Variants in FAM135B observed in about 807,000 individuals in gnomAD.
FAM135B encodes the protein protein FAM135B.
FAM135B carries 43 observed loss-of-function variants against 127.7 expected under a neutral mutation model. The ratio of observed to expected loss-of-function variants is 0.34; its 90% CI spans 0.26 to 0.43. The LOEUF (loss-of-function observed/expected upper bound fraction) is 0.43, where lower values mean the gene tolerates loss of function less well. Ranked by LOEUF, FAM135B falls within the 20% of genes least tolerant of loss-of-function variation. The pLI, the probability that FAM135B is intolerant of heterozygous loss-of-function variation, is 1.00. For synonymous variants in FAM135B, 670 were observed against 665.1 expected (o/e 1.01, Z -0.11); for missense variants, 1,558 against 1,725.6 (o/e 0.90, Z 1.72).
intron 7 of FAM135B, among the ~76,000 whole-genome samples, chr8:138,219,843 CAG>C (rs1480293171): frequency 2.0e-5 from 3 of 152,122 alleles, no homozygotes; most frequent in Non-Finnish European, 4.4e-5. Context: ...CTGGTAGAAA[CAG>C]AAACAGATGC....
rs1000851176 is a variant in FAM135B at position 138,132,330 on chromosome 8, T to G, written c.*263A>C. ...ACTCCCAAGTATTCTGTTTATTCTCTCATATTTTTCCTAGAAAACATCTTG... is the reference window on the plus strand; with the variant it reads ...ACTCCCAAGTATTCTGTTTATTCTCGCATATTTTTCCTAGAAAACATCTTG... On this transcript the variant is annotated 3_prime_UTR_variant, in exon 20 of 20. Transcript: ENST00000395297. The surrounding 1 kb of genome is among the most constrained non-coding windows in gnomAD (Gnocchi z 4.5). 1.2e-5 allele frequency: 5 copies of G among 429,862 alleles called. No homozygotes were observed. Among genetic ancestry groups the G allele is most frequent in the African/African-American group, 1.0e-4 (5 of 50,204 alleles). 26.6% of individuals were successfully genotyped at this position (429,862 alleles called of 1,614,324 possible). A position where few individuals can be genotyped will look rare whatever the true frequency, so the allele number is the denominator to read the frequency against.
At chr8:138,267,400 G>T (rs1823019660) in intron 3 of FAM135B, among the ~76,000 whole-genome samples, 1 of 152,154 alleles carries the variant, frequency 6.6e-6, no homozygotes, top group African/African-American at 2.4e-5. Context: ...CTGAGATGGA[G>T]CATTGCTATA....
intron 3 of FAM135B, among the ~76,000 whole-genome samples, chr8:138,268,373 G>T (rs540230458): frequency 6.6e-6 from 1 of 152,130 alleles, no homozygotes; most frequent in African/African-American, 2.4e-5. Flanking sequence ...ACAGACCACA[G>T]GGCTTAATGG....
At chr8:138,428,339 A>G (rs931487292) in intron 1 of FAM135B, among the ~76,000 whole-genome samples, 5 of 152,136 alleles carry the variant, frequency 3.3e-5, no homozygotes, top group Non-Finnish European at 2.9e-5. Context: ...CGCCCAAACT[A>G]TCTTAGCTAG....
At chr8:138,256,611 A>G (rs1822106801) in intron 5 of FAM135B, 78 bp downstream of exon 5, 2 of 1,193,234 alleles carry the variant, frequency 1.7e-6, no homozygotes, top group Admixed American at 3.6e-5. Flanking sequence ...GTTCAAGGCT[A>G]TGAGGCTATC....
At chr8:138,339,043 A>T (rs1339766717) in intron 2 of FAM135B, among the ~76,000 whole-genome samples, 1 of 147,106 alleles carries the variant, frequency 6.8e-6, no homozygotes, top group African/African-American at 2.5e-5. Flanking sequence ...TCTCACTCAT[A>T]GGTAGGAATT....
chr8:138,211,057 G>T (rs1818102526), intron 7 of FAM135B, among the ~76,000 whole-genome samples: 1 of 152,142 alleles, frequency 6.6e-6, no homozygotes, highest in African/African-American at 2.4e-5. Context: ...CACCAATTTT[G>T]CCATTCTATA....
In FAM135B at chr8:138,251,018, G is replaced by T; in HGVS notation, c.369-4C>A. On this transcript the variant is annotated splice_region_variant and splice_polypyrimidine_tract_variant and intron_variant, in intron 5 of 19. Transcript: ENST00000395297. ...TGCCCCAGCCACATCCCTCAACCTA[G>T]AAGGCAAGCATGTGAGCTCACGTGA... 6.2e-7 allele frequency: 1 copy of T among 1,613,800 alleles called. No individual in the cohort carries two copies. Among genetic ancestry groups the T allele is most frequent in the Non-Finnish European group, 8.5e-7 (1 of 1,179,958 alleles).
Position 138,131,108 on chromosome 8 carries a change from C to T in FAM135B, c.*1485G>A, listed in dbSNP as rs928082742. On this transcript the variant is annotated 3_prime_UTR_variant, in exon 20 of 20. Transcript: ENST00000395297. ...TGTTAACATAAGAGGATCTAAAATT[C>T]TCAAATGAGCTTAGATTTACTTGGT... is the stretch of plus-strand genomic sequence containing the variant. The T allele has an allele frequency of 6.6e-6, 1 of 152,150 alleles. No individual in the cohort carries two copies. Among genetic ancestry groups the T allele is most frequent in the Admixed American group, 6.5e-5 (1 of 15,280 alleles). The allele number at this position is 152,150 out of a possible 1,614,324, so 9.4% of individuals were successfully genotyped here. A position where few individuals can be genotyped will look rare whatever the true frequency, so the allele number is the denominator to read the frequency against.
At chr8:138,225,536 GGT>G (rs140500904) in intron 7 of FAM135B, among the ~76,000 whole-genome samples, 22 of 150,144 alleles carry the variant, frequency 1.5e-4, no homozygotes, top group Non-Finnish European at 1.0e-4. Context: ...GTGCTGTGTA[GGT>G]GTGTGTGTGT....
chr8:138,232,880 C>T (rs1046911664), intron 7 of FAM135B, among the ~76,000 whole-genome samples: 1 of 152,158 alleles, frequency 6.6e-6, no homozygotes, highest in Non-Finnish European at 1.5e-5. Flanking sequence ...TGTTGTACAG[C>T]AGATATCTAG....
chr8:138,185,698 G>C (rs1304496717), intron 9 of FAM135B, among the ~76,000 whole-genome samples: 2 of 152,114 alleles, frequency 1.3e-5, no homozygotes, highest in Non-Finnish European at 2.9e-5. Context: ...AAGTTTACTG[G>C]GGGGCAACCA....
At chr8:138,218,029 C>A (rs1347191543) in intron 7 of FAM135B, among the ~76,000 whole-genome samples, 1 of 152,160 alleles carries the variant, frequency 6.6e-6, no homozygotes, top group African/African-American at 2.4e-5. Flanking sequence ...ATTTAACTCC[C>A]ACCTCTTCAC....
rs374163498 is a variant in FAM135B at position 138,148,632 on chromosome 8, C to G, written c.3336G>C (p.Leu1112=). 1 of 1,610,426 alleles carries G rather than the reference C, an allele frequency of 6.2e-7. No individual in the cohort carries two copies. The highest frequency in any genetic ancestry group is 1.3e-5 in the African/African-American group (1 of 74,778). The change falls in exon 14 of 20, where the codon CTG becomes CTC. Residue 1112 remains leucine (L), a synonymous_variant. Coordinates refer to ENST00000395297, the MANE Select transcript of FAM135B (RefSeq NM_015912.4). ...FKKELKIEGF[L]YSDLTVLASD... Reference sequence around the variant, plus strand: ...AAGCTAGTACAGTTAAGTCACTGTACAGAAATCCTTCAATCTTCAGTTCTT... The same window carrying G: ...AAGCTAGTACAGTTAAGTCACTGTAGAGAAATCCTTCAATCTTCAGTTCTT...
At chr8:138,306,502 C>G (rs1826271465) in intron 3 of FAM135B, among the ~76,000 whole-genome samples, 1 of 150,734 alleles carries the variant, frequency 6.6e-6, no homozygotes, top group Non-Finnish European at 1.5e-5. Context: ...ACCTGGCTTT[C>G]CCTTGAATGT....
rs147624761 is a variant in FAM135B at position 138,331,574 on chromosome 8, C to T, written c.78-20654G>A. ...AAGGTCTGTCAGACTCTTTGAGCCA[C>T]AAAACCCTACACTACAGAAAGGTCT... On this transcript the variant is annotated intron_variant, in intron 2 of 19. Coordinates refer to ENST00000395297, the MANE Select transcript of FAM135B (RefSeq NM_015912.4). 5.0e-3 allele frequency among the ~76,000 whole-genome samples: 761 copies of T among 152,234 alleles called. 5 individuals carry two copies. Among genetic ancestry groups the T allele is most frequent in the Non-Finnish European group, 6.9e-3 (467 of 68,010 alleles).
chr8:138,338,260 G>A (rs989848782), intron 2 of FAM135B, among the ~76,000 whole-genome samples: 75 of 150,540 alleles, frequency 5.0e-4, no homozygotes, highest in Non-Finnish European at 1.0e-3. Context: ...TTGACAAATG[G>A]GTTCTAATTA....
chr8:138,220,162 G>A (rs1037439698), intron 7 of FAM135B, among the ~76,000 whole-genome samples: 7 of 151,994 alleles, frequency 4.6e-5, no homozygotes, highest in African/African-American at 1.7e-4. Context: ...CCCATGGTGA[G>A]AACTAAAGCA....
intron 3 of FAM135B, among the ~76,000 whole-genome samples, chr8:138,299,578 T>TACACATAC (rs1554658747): frequency 8.4e-6 from 1 of 119,054 alleles, no homozygotes; most frequent in Non-Finnish European, 1.9e-5. Context: ...TACATACACA[T>TACACATAC]ACACACATAC....
Sources: gnomAD v4.1 joint callset for allele counts (sites outside exome capture counted in the v4.1 genomes callset) on GRCh38, gnomAD v4.1.1 for gene constraint, Gnocchi (gnomAD v3.1) non-coding constraint, MANE v1.5 for transcripts, NCBI Gene and HGNC (gene_info 2026-07-23, HGNC 2026-07-21) for gene names.